The following COLEC10 variants were observed in gnomAD, a reference collection of about 807,000 sequenced individuals.
The protein encoded by COLEC10 is collectin subfamily member 10.
In COLEC10, 22 loss-of-function variants were observed where a neutral mutation model predicts 28.4. The ratio of observed to expected loss-of-function variants is 0.78; its 90% CI spans 0.55 to 1.11. The LOEUF is 1.11. COLEC10 is among the 50% of genes least tolerant of loss of function. COLEC10 has a pLI of 0.00. For synonymous variants in COLEC10, 125 were observed against 116.1 expected (o/e 1.08, Z -0.49); for missense variants, 361 against 344.1 (o/e 1.05, Z -0.39).
At chr8:118,975,270 A>T in the COLEC10 span, among the ~76,000 whole-genome samples, 1 of 151,990 alleles carries the variant, frequency 6.6e-6, no homozygotes, top group Non-Finnish European at 1.5e-5. Flanking sequence ...GTAATCAAAT[A>T]ACTTTTTGTT....
chr8:119,069,658 A>ATATG (rs1554627318), intron 1 of COLEC10, among the ~76,000 whole-genome samples: 85 of 122,696 alleles, frequency 6.9e-4, no homozygotes, highest in South Asian at 1.2e-3. Flanking sequence ...ATATATATAT[A>ATATG]TATGTAAACT....
At chr8:119,006,293 A>G (rs61364754) in intron 1 of COLEC10, among the ~76,000 whole-genome samples, 6,699 of 152,174 alleles carry the variant, frequency 0.044, 215 homozygotes, top group East Asian at 0.16. Flanking sequence ...GACACATATC[A>G]TAAACTTCCA....
intron 1 of COLEC10, among the ~76,000 whole-genome samples, chr8:119,008,651 C>A (rs1248269379): frequency 6.6e-6 from 1 of 150,376 alleles, no homozygotes; most frequent in Non-Finnish European, 1.5e-5. Context: ...TCATGGAATA[C>A]ATTAAAGCAA....
intron 2 of COLEC10, among the ~76,000 whole-genome samples, chr8:119,028,648 C>A (rs1461803666): frequency 2.0e-5 from 3 of 152,084 alleles, no homozygotes; most frequent in South Asian, 4.2e-4. Flanking sequence ...CTGGGAGATA[C>A]AATTCAAGTT....
At position 119,106,380 on chromosome 8, in the gene COLEC10, T is replaced by G; in HGVS notation, c.*189T>G. 1.7e-6 allele frequency: 1 copy of G among 580,828 alleles called. No homozygotes were observed. The highest frequency in any genetic ancestry group is 2.4e-5 in the South Asian group (1 of 41,502). 36.0% of individuals were successfully genotyped at this position (580,828 alleles called of 1,614,324 possible). A position where few individuals can be genotyped will look rare whatever the true frequency, so the allele number is the denominator to read the frequency against. On this transcript the variant is annotated 3_prime_UTR_variant, in exon 6 of 6. Coordinates refer to ENST00000332843, the MANE Select transcript of COLEC10 (RefSeq NM_006438.5). ...TTTCATATTTTCACACATGGTATATTATTGACCCAATAACTCGCCAGGTTA... is the reference window on the plus strand; with the variant it reads ...TTTCATATTTTCACACATGGTATATGATTGACCCAATAACTCGCCAGGTTA...
At chr8:119,048,464 T>G (rs1272451702) in intron 2 of COLEC10, among the ~76,000 whole-genome samples, 1 of 152,218 alleles carries the variant, frequency 6.6e-6, no homozygotes, top group East Asian at 1.9e-4. Context: ...ACTGTTATTG[T>G]GTGGTTGTCT....
chr8:119,062,804 A>C (rs1191636937), upstream of COLEC10: 1 of 152,186 alleles, frequency 6.6e-6, no homozygotes, highest in African/African-American at 2.4e-5. Context: ...GCGGTTTTAA[A>C]ATATGAAATT....
chr8:119,062,135 C>T (rs1814866354), intron 2 of COLEC10, among the ~76,000 whole-genome samples: 1 of 151,836 alleles, frequency 6.6e-6, no homozygotes, highest in African/African-American at 2.4e-5. Context: ...ATATTATAAA[C>T]ATTATTGTAT....
At chr8:119,022,176 A>G (rs2130109206) in intron 2 of COLEC10, among the ~76,000 whole-genome samples, 1 of 152,292 alleles carries the variant, frequency 6.6e-6, no homozygotes, top group Non-Finnish European at 1.5e-5. Flanking sequence ...TCAAAAGTAT[A>G]TTAAATCAGC....
the COLEC10 span, among the ~76,000 whole-genome samples, chr8:118,990,307 G>A: frequency 6.6e-6 from 1 of 152,014 alleles, no homozygotes; most frequent in Non-Finnish European, 1.5e-5. Flanking sequence ...ATACCTTTAG[G>A]AAGAGAAAGG....
At chr8:119,060,285 G>T (rs1172230295) in intron 2 of COLEC10, among the ~76,000 whole-genome samples, 1 of 152,106 alleles carries the variant, frequency 6.6e-6, no homozygotes, top group Non-Finnish European at 1.5e-5. Flanking sequence ...ACAGAACAGA[G>T]AATTGTGAAA....
intron 3 of COLEC10, among the ~76,000 whole-genome samples, chr8:119,092,308 G>A (rs1404491773): frequency 6.6e-6 from 1 of 152,014 alleles, no homozygotes; most frequent in Non-Finnish European, 1.5e-5. Context: ...CTGACCTCAG[G>A]TGATCTGCCC....
the COLEC10 span, among the ~76,000 whole-genome samples, chr8:118,961,235 G>T: frequency 6.6e-6 from 1 of 152,170 alleles, no homozygotes; most frequent in Non-Finnish European, 1.5e-5. Flanking sequence ...GTTAGAAAGA[G>T]ATAGAATCAA....
intron 1 of COLEC10, among the ~76,000 whole-genome samples, chr8:118,998,681 T>TCC (rs1408469389): frequency 3.0e-5 from 2 of 66,724 alleles, no homozygotes; most frequent in Admixed American, 1.3e-4. Flanking sequence ...TACTGAAAAA[T>TCC]ACAAAAAAAA....
chr8:119,085,008 GT>G (rs1440164808), intron 1 of COLEC10, among the ~76,000 whole-genome samples: 1 of 152,198 alleles, frequency 6.6e-6, no homozygotes, highest in African/African-American at 2.4e-5. Flanking sequence ...GACAGGCATG[GT>G]GTTGAACACT....
upstream of COLEC10, among the ~76,000 whole-genome samples, chr8:118,993,302 T>G (rs1018392557): frequency 5.3e-5 from 8 of 152,174 alleles, no homozygotes; most frequent in East Asian, 1.9e-4. Context: ...ATGTCTTTTC[T>G]GTTTTCTCAC....
chr8:119,075,271 C>G (rs1024560946), intron 1 of COLEC10, among the ~76,000 whole-genome samples: 1 of 152,174 alleles, frequency 6.6e-6, no homozygotes, highest in Admixed American at 6.5e-5. Context: ...AGTGGTTAGA[C>G]TCTTCACATT....
upstream of COLEC10, among the ~76,000 whole-genome samples, chr8:119,063,597 A>G (rs1027266119): frequency 1.3e-5 from 2 of 152,122 alleles, no homozygotes; most frequent in Non-Finnish European, 2.9e-5. Flanking sequence ...CAGATAATCT[A>G]GGATGATCTC....
chr8:119,099,128 AT>A (rs1218520688), intron 3 of COLEC10, among the ~76,000 whole-genome samples: 2 of 152,010 alleles, frequency 1.3e-5, no homozygotes. Flanking sequence ...AAGCATTATG[AT>A]TTTTTTGTTT....
Sources: gnomAD v4.1 joint callset for allele counts (sites outside exome capture counted in the v4.1 genomes callset) on GRCh38, gnomAD v4.1.1 for gene constraint, MANE v1.5 for transcripts, NCBI Gene and HGNC (gene_info 2026-07-23, HGNC 2026-07-21) for gene names.